Variants in ADH5 observed in about 807,000 individuals in gnomAD.
ADH5 encodes alcohol dehydrogenase 5 (class III), chi polypeptide, also known as alcohol dehydrogenase class-3.
A neutral mutation model predicts 40.3 loss-of-function variants in ADH5; 32 were observed. The observed-to-expected ratio is 0.79, with a 90% CI of 0.60 to 1.07. ADH5 has a LOEUF of 1.07. Among genes scored for constraint, ADH5 ranks in the 50% least tolerant of loss-of-function variants. The probability of loss-of-function intolerance (pLI) is 0.00; values close to 1 mark genes in which losing one functional copy is unlikely to be tolerated. For missense variants in ADH5, 353 were observed against 460.5 expected (o/e 0.77, Z 2.14); for synonymous variants, 125 against 154.3 (o/e 0.81, Z 1.41).
Position 99,081,392 on chromosome 4 carries a change from G to C in ADH5, c.317C>G (p.Pro106Arg). The change falls in exon 4 of 9, where the codon CCT becomes CGT. Residue 106 changes from proline (P) to arginine (R), a missense_variant. Coordinates refer to ENST00000296412, the MANE Select transcript of ADH5 (RefSeq NM_000671.4). ...QCGECKFCLN[P>R]KTNLCQKIRV... ...TATCTTCTGGCAAAGGTTAGTTTTA[G>C]GATTTAGACAAAATTTGCATTCTCC... The C allele has an allele frequency of 6.2e-7, 1 of 1,606,188 alleles. No individual in the cohort carries two copies. Among genetic ancestry groups the C allele is most frequent in the Non-Finnish European group, 8.5e-7 (1 of 1,175,800 alleles).
rs1221300085 is a variant in ADH5 at position 99,072,651 on chromosome 4, T to G, written c.1022A>C (p.Lys341Thr). 4.3e-6 allele frequency: 7 copies of G among 1,613,654 alleles called. No homozygotes were observed. Among genetic ancestry groups the G allele is most frequent in the Non-Finnish European group, 5.9e-6 (7 of 1,179,688 alleles). The change falls in exon 8 of 9, where the codon AAA becomes ACA. Residue 341 changes from lysine to threonine, a missense_variant. Lys to Thr is a moderately conservative substitution (Grantham distance 78, BLOSUM62 -1). Coordinates refer to ENST00000296412, the MANE Select transcript of ADH5 (RefSeq NM_000671.4). ...ATTGTGAGTCACAAATTCATCAACT[T>G]TTATCTTTTTGGACATATATTCAGA... is the stretch of plus-strand genomic sequence containing the variant. ...LVSEYMSKKI[K>T]VDEFVTHNLS...
At chr4:99,077,024 A>C in intron 4 of ADH5, 101 bp from the exon 5 acceptor site, 1 of 865,670 alleles carries the variant, frequency 1.2e-6, no homozygotes, top group Non-Finnish European at 1.8e-6. Context: ...ATATTAAGAA[A>C]GTGTTGTAAA....
intron 1 of ADH5, among the ~76,000 whole-genome samples, chr4:99,087,156 G>A (rs978010952): frequency 6.6e-6 from 1 of 151,792 alleles, no homozygotes; most frequent in African/African-American, 2.4e-5. Flanking sequence ...GGCCGAGATG[G>A]GCGGATCACC....
intron 2 of ADH5, among the ~76,000 whole-genome samples, chr4:99,083,503 A>G (rs1374285334): frequency 2.0e-5 from 3 of 150,420 alleles, no homozygotes; most frequent in Admixed American, 1.3e-4. Context: ...GGGAGGCCGA[A>G]GCAGGAGAAT....
chr4:99,085,878 T>C (rs1410586867), intron 1 of ADH5, among the ~76,000 whole-genome samples: 1 of 151,952 alleles, frequency 6.6e-6, no homozygotes, highest in Non-Finnish European at 1.5e-5. Flanking sequence ...TCTACAAAAA[T>C]ACAAAAATTA....
rs28730606 is a variant in ADH5, at chr4:99,080,362, G to T, written c.344+1003C>A. The T allele has an allele frequency of 1.3e-3, 240 of 181,626 alleles. 7 individuals are homozygous for T. In the East Asian group the frequency reaches 0.032, roughly 24 times the overall value. 11.3% of individuals were successfully genotyped at this position (181,626 alleles called of 1,614,324 possible). A position where few individuals can be genotyped will look rare whatever the true frequency, so the allele number is the denominator to read the frequency against. ...TGGGGTAGGGGTTAGGGGATCCTGG[G>T]ACAGGGAGGGCCCAGGGTCCAGTCG... On this transcript the variant is annotated intron_variant, in intron 4 of 8. Coordinates refer to ENST00000296412, the MANE Select transcript of ADH5 (RefSeq NM_000671.4).
rs1727828892 is a variant in ADH5, at chr4:99,071,315, A to C, written c.*1102T>G. The stretch of plus-strand genomic sequence containing the variant: ...GAAGAGCAATTTGGCAATGTCTATA[A>C]GGCTAAATGTGTTTATTCTGTGATA... On this transcript the variant is annotated 3_prime_UTR_variant, in exon 9 of 9. Transcript: ENST00000296412. 6.6e-6 allele frequency: 1 copy of C among 152,256 alleles called. No homozygotes were observed. The highest frequency in any genetic ancestry group is 2.1e-4 in the South Asian group (1 of 4,834). 9.4% of individuals were successfully genotyped at this position (152,256 alleles called of 1,614,324 possible).
intron 7 of ADH5, among the ~76,000 whole-genome samples, chr4:99,074,012 G>C (rs758741733): frequency 6.6e-6 from 1 of 152,136 alleles, no homozygotes; most frequent in Non-Finnish European, 1.5e-5. Context: ...ATCTTCTAAG[G>C]CAAATTCTGT....
chr4:99,081,741 C>T, intron 3 of ADH5: 1 of 577,224 alleles, frequency 1.7e-6, no homozygotes, highest in Admixed American at 3.3e-5. Context: ...CTTAATATGC[C>T]AAAATTGGTT....
At chr4:99,085,416 G>T in intron 1 of ADH5, 200 bp from the exon 2 acceptor site, 1 of 413,828 alleles carries the variant, frequency 2.4e-6, no homozygotes, top group East Asian at 3.6e-5. Flanking sequence ...ATGATTACCT[G>T]GTCAGATAGA....
At chr4:99,073,240 G>A (rs1056104263) in intron 7 of ADH5, among the ~76,000 whole-genome samples, 6 of 152,318 alleles carry the variant, frequency 3.9e-5, no homozygotes, top group Middle Eastern at 3.4e-3. Context: ...GTACAGTTGC[G>A]TGATCTCAGC....
At chr4:99,083,518 T>C (rs1374634527) in intron 2 of ADH5, among the ~76,000 whole-genome samples, 1 of 147,116 alleles carries the variant, frequency 6.8e-6, no homozygotes, top group Admixed American at 6.9e-5. Flanking sequence ...GAGAATTGCT[T>C]GAACCTGGGA....
chr4:99,074,830 A>T (rs1560752754), intron 7 of ADH5, 84 bp downstream of exon 7: 25 of 1,379,466 alleles, frequency 1.8e-5, no homozygotes, highest in Middle Eastern at 5.7e-4. Context: ...TTGTTAATAT[A>T]AAAAAAATTA....
chr4:99,087,253 G>A (rs1455554593), intron 1 of ADH5, among the ~76,000 whole-genome samples: 2 of 151,820 alleles, frequency 1.3e-5, no homozygotes, highest in African/African-American at 4.8e-5. Flanking sequence ...ATGGTGACGG[G>A]CGCCGGTAAT....
chr4:99,083,524 T>TGGGAGGCAG (rs1728068961), intron 2 of ADH5, among the ~76,000 whole-genome samples: 2 of 137,400 alleles, frequency 1.5e-5, no homozygotes, highest in Non-Finnish European at 3.0e-5. Flanking sequence ...TGCTTGAACC[T>TGGGAGGCAG]GGGAGGCAGG....
intron 1 of ADH5, among the ~76,000 whole-genome samples, chr4:99,088,038 G>A (rs1728181902): frequency 6.6e-6 from 1 of 152,172 alleles, no homozygotes; most frequent in African/African-American, 2.4e-5. Flanking sequence ...CGGAATCCCA[G>A]CTCGCCATCG....
intron 2 of ADH5, among the ~76,000 whole-genome samples, chr4:99,082,385 C>T (rs1019389539): frequency 3.3e-5 from 5 of 152,140 alleles, no homozygotes; most frequent in African/African-American, 4.8e-5. Flanking sequence ...CCTTTCAGCG[C>T]GCGTTAGCAA....
At position 99,072,423 on chromosome 4, in the gene ADH5, C is replaced by G. The variant is rs1174133358; in HGVS notation, c.1119G>C (p.Lys373Asn). The G allele has an allele frequency of 5.0e-6, 8 of 1,613,098 alleles. No individual in the cohort carries two copies. The Admixed American group carries it at 5.0e-5, about 10-fold the overall frequency. Reference protein sequence around the residue: ...HSGKSIRTVVKI With the variant: ...HSGKSIRTVVNI ...ATTATTTTTCTCTTTTGAATTAAAT[C>G]TTTACAACAGTTCGAATGCTGTAAA... is the stretch of plus-strand genomic sequence containing the variant. Residue 373 changes from lysine to asparagine, a missense_variant, in exon 9 of 9, where the codon AAG (lysine) becomes AAC (asparagine). By Grantham distance (94) the Lys-to-Asn change is moderately conservative. Coordinates refer to ENST00000296412, the MANE Select transcript of ADH5 (RefSeq NM_000671.4).
intron 2 of ADH5, among the ~76,000 whole-genome samples, chr4:99,083,354 C>A (rs1009309158): frequency 6.6e-6 from 1 of 152,028 alleles, no homozygotes; most frequent in African/African-American, 2.4e-5. Context: ...AATCCCAGCA[C>A]TTTGGGAGGC....
Sources: gnomAD v4.1 joint callset for allele counts (sites outside exome capture counted in the v4.1 genomes callset) on GRCh38, gnomAD v4.1.1 for gene constraint, MANE v1.5 for transcripts, NCBI Gene and HGNC (gene_info 2026-07-23, HGNC 2026-07-21) for gene names.